WDR48: variants seen among roughly 807,000 people sequenced by gnomAD.
WDR48 encodes WD repeat-containing protein 48.
A neutral mutation model predicts 94.0 loss-of-function variants in WDR48; 22 were observed. The ratio of observed to expected loss-of-function variants is 0.23; its 90% confidence interval spans 0.17 to 0.33. The LOEUF (loss-of-function observed/expected upper bound fraction) is 0.33, where lower values mean the gene tolerates loss of function less well. Among genes scored for constraint, WDR48 ranks in the 10% least tolerant of loss-of-function variants. The pLI is 1.00. For missense variants in WDR48, 541 were observed against 813.8 expected (o/e 0.66, Z 4.08); for synonymous variants, 278 against 280.5 (o/e 0.99, Z 0.09).
At position 39,084,749 on chromosome 3, in the gene WDR48, TAA is replaced by T; in HGVS notation, c.1378+9_1378+10del. On this transcript the variant is annotated intron_variant, in intron 13 of 18. Coordinates refer to ENST00000302313, the MANE Select transcript of WDR48 (RefSeq NM_020839.4). ...ATGGGTCAGATCCAAAATGTGAGTT[TAA>T]GTGTCCTTCATTTTTTTCCTCCCTT... The T allele has an allele frequency of 6.2e-7, 1 of 1,609,882 alleles. No homozygotes were observed. The highest frequency in any genetic ancestry group is 2.2e-5 in the East Asian group (1 of 44,796).
chr3:39,057,648 T>G (rs967672773), intron 1 of WDR48, among the ~76,000 whole-genome samples: 1 of 151,942 alleles, frequency 6.6e-6, no homozygotes, highest in African/African-American at 2.4e-5. Context: ...TTTTGAGACA[T>G]TGTCTCACTC....
intron 3 of WDR48, among the ~76,000 whole-genome samples, chr3:39,066,326 A>G (rs2033606742): frequency 6.6e-6 from 1 of 152,188 alleles, no homozygotes; most frequent in Non-Finnish European, 1.5e-5. Flanking sequence ...AAATGTTTGC[A>G]CTGCTTGTTT....
chr3:39,052,246 C>A (rs1002668617), intron 1 of WDR48, 173 bp downstream of exon 1: 1 of 725,460 alleles, frequency 1.4e-6, no homozygotes, highest in Non-Finnish European at 2.2e-6. Flanking sequence ...GAGGAAGGGG[C>A]GGGGGTCGGC....
chr3:39,078,826 C>T (rs111888527), intron 10 of WDR48, among the ~76,000 whole-genome samples: 2 of 151,220 alleles, frequency 1.3e-5, no homozygotes, highest in Non-Finnish European at 3.0e-5. Flanking sequence ...GTCAGGAGAT[C>T]GAGACCATCC....
intron 18 of WDR48, 160 bp downstream of exon 18, chr3:39,094,226 G>A: frequency 6.9e-7 from 1 of 1,445,976 alleles, no homozygotes; most frequent in Non-Finnish European, 9.1e-7. Flanking sequence ...TTACTGCTGG[G>A]GAGATTTTCA....
chr3:39,076,946 T>C (rs142774952), intron 8 of WDR48, among the ~76,000 whole-genome samples, 193 bp from the exon 9 acceptor site: 1 of 152,290 alleles, frequency 6.6e-6, no homozygotes, highest in East Asian at 1.9e-4. Context: ...ATTACACTTT[T>C]ATAGGGCTAT....
chr3:39,052,186 G>A, intron 1 of WDR48, 113 bp downstream of exon 1: 1 of 1,360,886 alleles, frequency 7.3e-7, no homozygotes, highest in Non-Finnish European at 1.0e-6. Context: ...GGGGCGAACG[G>A]GGCGGGGCGC....
chr3:39,053,031 A>T (rs1474709491), intron 1 of WDR48, among the ~76,000 whole-genome samples: 2 of 152,246 alleles, frequency 1.3e-5, no homozygotes, highest in East Asian at 1.9e-4. Context: ...TAATAATATT[A>T]AAAAATAGTT....
chr3:39,066,263 GT>G (rs2033600946), intron 3 of WDR48, among the ~76,000 whole-genome samples: 1 of 152,130 alleles, frequency 6.6e-6, no homozygotes, highest in East Asian at 1.9e-4. Context: ...TGCAGTCCGA[GT>G]TACAGGAATT....
At chr3:39,075,248 A>G (rs1342226411) in intron 8 of WDR48, among the ~76,000 whole-genome samples, 1 of 138,762 alleles carries the variant, frequency 7.2e-6, no homozygotes, top group Non-Finnish European at 1.5e-5. Flanking sequence ...AGAAAGTGTG[A>G]CTTCTTGGTA....
In WDR48 at chr3:39,094,840, C is replaced by A; in HGVS notation, c.*97C>A. On this transcript the variant is annotated 3_prime_UTR_variant, in exon 19 of 19. Coordinates refer to ENST00000302313, the MANE Select transcript of WDR48 (RefSeq NM_020839.4). ...CCACTGATCCCCAACGGGAGCAAGA[C>A]TTCTAACGGCTGATTGGTATGGACC... is the stretch of plus-strand genomic sequence containing the variant. 7.0e-7 allele frequency: 1 copy of A among 1,436,000 alleles called. No homozygotes were observed. Among genetic ancestry groups the A allele is most frequent in the Non-Finnish European group, 9.5e-7 (1 of 1,052,826 alleles). The allele number at this position is 1,436,000 out of a possible 1,614,324, so 89.0% of individuals were successfully genotyped here. A position where few individuals can be genotyped will look rare whatever the true frequency, so the allele number is the denominator to read the frequency against.
At chr3:39,068,637 A>T in intron 5 of WDR48, 134 bp from the exon 6 acceptor site, 2 of 579,122 alleles carry the variant, frequency 3.5e-6, no homozygotes, top group Non-Finnish European at 6.3e-6. Context: ...TATCTCCATT[A>T]TAGGTAGATT....
At position 39,085,834 on chromosome 3, in the gene WDR48, C is replaced by T. The variant is rs562035903; in HGVS notation, c.1474+224C>T. On this transcript the variant is annotated intron_variant, in intron 14 of 18. Coordinates refer to ENST00000302313, the MANE Select transcript of WDR48 (RefSeq NM_020839.4). ...TATGATATGGCTTTTAGTGAGACTG[C>T]TCAAGATAAATAAAATACTCTATAT... Among the ~76,000 whole-genome samples, 15 of 143,230 alleles carry T rather than the reference C, an allele frequency of 1.0e-4. No individual in the cohort carries two copies. In the South Asian group the frequency reaches 2.8e-3, roughly 27 times the overall value. 94.0% of individuals were successfully genotyped at this position (143,230 alleles called of 152,430 possible).
chr3:39,094,871 T>C lies in WDR48; in HGVS notation c.*128T>C, dbSNP rs556342194. 1 of 1,192,788 alleles carries C rather than the reference T, an allele frequency of 8.4e-7. No homozygotes were observed. The highest frequency in any genetic ancestry group is 2.3e-5 in the Admixed American group (1 of 43,708). The allele number at this position is 1,192,788 out of a possible 1,614,324, so 73.9% of individuals were successfully genotyped here. ...ACGGCTGATTGGTATGGACCGAGAT[T>C]ATCTTTCAATTGAAGTGACTAATCG... On this transcript the variant is annotated 3_prime_UTR_variant, in exon 19 of 19. Coordinates refer to ENST00000302313, the MANE Select transcript of WDR48 (RefSeq NM_020839.4).
chr3:39,059,902 T>C (rs1007284582), intron 1 of WDR48, among the ~76,000 whole-genome samples: 4 of 152,118 alleles, frequency 2.6e-5, no homozygotes, highest in Non-Finnish European at 4.4e-5. Flanking sequence ...TTTTTGGCCA[T>C]TTCTTTTTTA....
chr3:39,074,515 A>T lies in WDR48; in HGVS notation c.673-211A>T, dbSNP rs185037489. 2.4e-3 allele frequency among the ~76,000 whole-genome samples: 370 copies of T among 152,352 alleles called. 1 individual carries two copies. Among genetic ancestry groups the T allele is most frequent in the Non-Finnish European group, 4.4e-3 (299 of 68,030 alleles). ...TGATCAACAAAACTACCCTAATTAC[A>T]TATTTGGGAAGAATAAGGAATTTTC... On this transcript the variant is annotated intron_variant, in intron 7 of 18. Transcript: ENST00000302313.
intron 5 of WDR48, among the ~76,000 whole-genome samples, chr3:39,067,507 C>T (rs1046719131): frequency 6.6e-6 from 1 of 152,182 alleles, no homozygotes; most frequent in African/African-American, 2.4e-5. Context: ...CCAAGTCAGG[C>T]TCATACAAGT....
intron 7 of WDR48, among the ~76,000 whole-genome samples, chr3:39,072,129 A>G (rs1423487871): frequency 1.3e-5 from 2 of 152,272 alleles, no homozygotes; most frequent in East Asian, 1.9e-4. Flanking sequence ...ATGAATATCT[A>G]CCTGTTGCCT....
At chr3:39,094,549 GTGAGCAAGC>G in intron 18 of WDR48, 90 bp from the exon 19 acceptor site, 1 of 1,557,062 alleles carries the variant, frequency 6.4e-7, no homozygotes, top group East Asian at 2.4e-5. Flanking sequence ...TAGGGGAGGA[GTGAGCAAGC>G]TGGATCACCT....
Sources: gnomAD v4.1 joint callset for allele counts (sites outside exome capture counted in the v4.1 genomes callset) on GRCh38, gnomAD v4.1.1 for gene constraint, MANE v1.5 for transcripts, NCBI Gene and HGNC (gene_info 2026-07-23, HGNC 2026-07-21) for gene names.